Variants in PTK2 observed in about 807,000 individuals in gnomAD.
The protein encoded by PTK2 is focal adhesion kinase 1.
Under a neutral mutation model 150.1 loss-of-function variants are expected in PTK2, and 45 were observed. The ratio of observed to expected loss-of-function variants is 0.30; its 90% CI spans 0.24 to 0.38. PTK2 has a LOEUF of 0.38. PTK2 is among the 10% of genes least tolerant of loss of function. PTK2 has a pLI of 1.00. For missense variants in PTK2, 919 were observed against 1,307.3 expected (o/e 0.70, Z 4.58); for synonymous variants, 432 against 449.2 (o/e 0.96, Z 0.48).
At chr8:140,686,958 C>G (rs1276214372) in intron 26 of PTK2, 3 of 444,144 alleles carry the variant, frequency 6.8e-6, no homozygotes, top group Non-Finnish European at 1.2e-5. Flanking sequence ...CACTTTACCT[C>G]TATTCCAAGT....
At chr8:140,810,993 T>C (rs1229789198) in intron 10 of PTK2, among the ~76,000 whole-genome samples, 1 of 152,176 alleles carries the variant, frequency 6.6e-6, no homozygotes, top group Non-Finnish European at 1.5e-5. Flanking sequence ...GCCACTGTAG[T>C]GAATGCTCAA....
At chr8:140,696,939 G>T (rs565354659) in intron 26 of PTK2, among the ~76,000 whole-genome samples, 90 of 151,870 alleles carry the variant, frequency 5.9e-4, no homozygotes, top group African/African-American at 1.9e-3. Context: ...AAAGGTACTT[G>T]TTCCAGCCTG....
In PTK2 at chr8:140,770,809, G is replaced by A. The variant is rs780754515; in HGVS notation, c.1178-6519C>T. ...TGGCAGTGACTGACTCCTTTATAAA[G>A]AGGCAAGAGGGGAAAGAGAAAAATA... On this transcript the variant is annotated intron_variant, in intron 14 of 31. Transcript: ENST00000522684. The A allele has an allele frequency of 2.2e-5, 28 of 1,269,028 alleles. No homozygotes were observed. The highest frequency in any genetic ancestry group is 2.8e-5 in the Non-Finnish European group (27 of 972,324). 78.6% of individuals were successfully genotyped at this position (1,269,028 alleles called of 1,614,324 possible).
At chr8:140,830,629 T>A in intron 7 of PTK2, 103 bp from the exon 8 acceptor site, 1 of 687,518 alleles carries the variant, frequency 1.5e-6, no homozygotes, top group African/African-American at 1.9e-5. Flanking sequence ...TATCCTTCCA[T>A]ATATTATTTA....
chr8:140,855,432 A>G (rs113174682), intron 5 of PTK2, among the ~76,000 whole-genome samples: 8,922 of 152,104 alleles, frequency 0.059, 884 homozygotes, highest in African/African-American at 0.2. Context: ...CATCTCTACT[A>G]AAAATACAAA....
intron 2 of PTK2, among the ~76,000 whole-genome samples, chr8:140,898,455 C>T (rs979523136): frequency 6.6e-6 from 1 of 152,204 alleles, no homozygotes; most frequent in African/African-American, 2.4e-5. Flanking sequence ...TGCTGCTCAG[C>T]TGTCTACAAC....
chr8:140,748,496 C>CAAAAAAAAA (rs61423469), intron 17 of PTK2, among the ~76,000 whole-genome samples: 1 of 111,588 alleles, frequency 9.0e-6, no homozygotes, highest in Non-Finnish European at 1.9e-5. Flanking sequence ...GACTCTGTCT[C>CAAAAAAAAA]AAAAAAAAAA....
intron 26 of PTK2, among the ~76,000 whole-genome samples, chr8:140,696,411 AATAAAAT>A: frequency 6.6e-6 from 1 of 152,318 alleles, no homozygotes; most frequent in South Asian, 2.1e-4. Flanking sequence ...TGCACATCAT[AATAAAAT>A]AAGTTAATTC....
intron 13 of PTK2, among the ~76,000 whole-genome samples, chr8:140,791,548 T>C (rs72683748): frequency 0.17 from 26,092 of 152,126 alleles, 2,657 homozygotes; most frequent in East Asian, 0.48. Flanking sequence ...ACCCTGGCTG[T>C]CAGCAACTTG....
At chr8:140,844,254 T>A (rs528052470) in intron 7 of PTK2, among the ~76,000 whole-genome samples, 4 of 152,334 alleles carry the variant, frequency 2.6e-5, no homozygotes, top group Admixed American at 2.6e-4. Flanking sequence ...CTGTCAGGTT[T>A]CTTCACTGTA....
rs1366145824 is a variant in PTK2, at chr8:140,760,724, T to C, written c.1332+441A>G. Among the ~76,000 whole-genome samples the C allele has an allele frequency of 2.6e-5, 4 of 152,232 alleles. No individual in the cohort carries two copies. The South Asian group carries it at 8.3e-4, about 31-fold the overall frequency. ...GTACACTTCAAAAGAGTGAACTTCA[T>C]AGTAAGCAAATGATACTTCATTAAG... On this transcript the variant is annotated intron_variant, in intron 16 of 31. Transcript: ENST00000522684.
At chr8:140,933,529 T>C (rs1396895169) in intron 1 of PTK2, among the ~76,000 whole-genome samples, 3 of 152,254 alleles carry the variant, frequency 2.0e-5, no homozygotes, top group Non-Finnish European at 4.4e-5. Flanking sequence ...GTATTCTTAC[T>C]GTATAAAGGT....
chr8:140,913,879 G>C (rs2100164172), intron 2 of PTK2, among the ~76,000 whole-genome samples: 1 of 152,090 alleles, frequency 6.6e-6, no homozygotes, highest in Non-Finnish European at 1.5e-5. Context: ...AAATTCAGTT[G>C]AACACTGTAA....
rs539049194 is a variant in PTK2 at position 140,724,637 on chromosome 8, C to T, written c.2031-6928G>A. On this transcript the variant is annotated intron_variant, in intron 22 of 31. Transcript: ENST00000522684. ...ATCTAGAAAACACCCAGAGAGAGAA[C>T]AGCAATAAATTTGAAGGGAAAAAAG... is the stretch of plus-strand genomic sequence containing the variant. Among the ~76,000 whole-genome samples the T allele has an allele frequency of 6.6e-5, 10 of 152,230 alleles. No homozygotes were observed. In the South Asian group the frequency reaches 2.1e-3, roughly 32 times the overall value.
At chr8:140,944,810 T>C (rs1170879465) in intron 1 of PTK2, among the ~76,000 whole-genome samples, 1 of 152,210 alleles carries the variant, frequency 6.6e-6, no homozygotes, top group East Asian at 1.9e-4. Context: ...ACTCTAGAGT[T>C]TGCAATCATG....
chr8:140,820,649 A>T (rs995679538), intron 8 of PTK2: 1 of 151,456 alleles, frequency 6.6e-6, no homozygotes, highest in South Asian at 2.1e-4. Context: ...AACCAACAGG[A>T]TATGCTAATA....
At chr8:140,925,290 G>C (rs1236850861) in intron 2 of PTK2, among the ~76,000 whole-genome samples, 1 of 152,030 alleles carries the variant, frequency 6.6e-6, no homozygotes, top group African/African-American at 2.4e-5. Context: ...TTTTATGTTT[G>C]CATTAATCAG....
intron 2 of PTK2, among the ~76,000 whole-genome samples, chr8:140,902,435 G>T (rs1003865930): frequency 1.3e-5 from 2 of 152,196 alleles, no homozygotes; most frequent in Non-Finnish European, 2.9e-5. Flanking sequence ...ATGTGCATGT[G>T]TCTTTATAGA....
At chr8:140,897,333 T>G (rs570711846) in intron 2 of PTK2, among the ~76,000 whole-genome samples, 1 of 152,048 alleles carries the variant, frequency 6.6e-6, no homozygotes, top group Non-Finnish European at 1.5e-5. Context: ...CATTATAGAA[T>G]GTGATTTTGC....
Sources: allele counts gnomAD v4.1 joint callset (sites outside exome capture counted in the v4.1 genomes callset), GRCh38; gene constraint gnomAD v4.1.1; transcripts MANE v1.5; gene names NCBI Gene and HGNC (gene_info 2026-07-23, HGNC 2026-07-21).